Variants in PPARGC1A observed in about 807,000 individuals in gnomAD.
The protein encoded by PPARGC1A is PPARG coactivator 1 alpha.
PPARGC1A carries 25 observed loss-of-function variants against 88.7 expected under a neutral mutation model. The ratio of observed to expected loss-of-function variants is 0.28; its 90% CI spans 0.21 to 0.39. The LOEUF is 0.39. PPARGC1A is among the 10% of genes least tolerant of loss of function. The pLI is 1.00. For missense variants in PPARGC1A, 880 were observed against 968.7 expected (o/e 0.91, Z 1.22); for synonymous variants, 363 against 355.6 (o/e 1.02, Z -0.24).
intron 1 of PPARGC1A, among the ~76,000 whole-genome samples, chr4:23,885,370 T>TA (rs1716696691): frequency 6.6e-6 from 1 of 152,214 alleles, no homozygotes; most frequent in Admixed American, 6.5e-5. Flanking sequence ...AAACTATTGC[T>TA]AAATGGAAAA....
chr4:23,801,680 T>G, intron 12 of PPARGC1A, 50 bp downstream of exon 12: 1 of 1,599,092 alleles, frequency 6.3e-7, no homozygotes, highest in Non-Finnish European at 8.6e-7. Flanking sequence ...TGTTCCCATC[T>G]TGAGCTCTAC....
chr4:23,905,613 G>A (rs946826915), upstream of PPARGC1A, among the ~76,000 whole-genome samples: 8 of 152,208 alleles, frequency 5.3e-5, no homozygotes, highest in South Asian at 4.2e-4. Flanking sequence ...TCCAGCATTC[G>A]GTGAATGTTT....
At chr4:23,937,230 A>AT in the PPARGC1A span, among the ~76,000 whole-genome samples, 2 of 151,878 alleles carry the variant, frequency 1.3e-5, no homozygotes, top group African/African-American at 2.4e-5. Flanking sequence ...CTTTCATGGT[A>AT]GTTTTACAAG....
the PPARGC1A span, among the ~76,000 whole-genome samples, chr4:24,316,248 A>G: frequency 2.6e-5 from 4 of 152,334 alleles, no homozygotes; most frequent in East Asian, 7.7e-4. Flanking sequence ...TCTATCTTAC[A>G]TGGGCAGAGA....
the PPARGC1A span, among the ~76,000 whole-genome samples, chr4:24,100,563 C>T: frequency 7.9e-5 from 12 of 152,188 alleles, no homozygotes; most frequent in East Asian, 7.7e-4. Flanking sequence ...CGCCTCTGGA[C>T]GTTCAGATGA....
the PPARGC1A span, among the ~76,000 whole-genome samples, chr4:23,984,668 T>G: frequency 6.6e-6 from 1 of 152,100 alleles, no homozygotes; most frequent in African/African-American, 2.4e-5. Context: ...ATCTTCATTT[T>G]TCAAAAAAGG....
chr4:23,859,372 A>G (rs1211538637), intron 2 of PPARGC1A, among the ~76,000 whole-genome samples: 1 of 152,214 alleles, frequency 6.6e-6, no homozygotes, highest in Admixed American at 6.5e-5. Context: ...CTGAAAGTGT[A>G]AGGGGAAGGT....
At chr4:24,461,652 AT>A in the PPARGC1A span, among the ~76,000 whole-genome samples, 1 of 151,950 alleles carries the variant, frequency 6.6e-6, no homozygotes, top group East Asian at 1.9e-4. Context: ...CTCTTACTAA[AT>A]GAAAGCTCTC....
At chr4:24,087,636 G>A in the PPARGC1A span, among the ~76,000 whole-genome samples, 2 of 152,226 alleles carry the variant, frequency 1.3e-5, no homozygotes, top group Non-Finnish European at 2.9e-5. Flanking sequence ...AGAAGCCAGT[G>A]ATCAGGCTAA....
At chr4:24,431,088 G>A in the PPARGC1A span, among the ~76,000 whole-genome samples, 1 of 132,272 alleles carries the variant, frequency 7.6e-6, no homozygotes, top group Non-Finnish European at 1.5e-5. Flanking sequence ...TCACACCGCT[G>A]CACTCCAGCC....
the PPARGC1A span, among the ~76,000 whole-genome samples, chr4:24,421,143 GA>G: frequency 4.4e-4 from 67 of 152,012 alleles, no homozygotes; most frequent in Middle Eastern, 3.4e-3. Flanking sequence ...ACTAGATTTA[GA>G]AAAAACAACA....
the PPARGC1A span, among the ~76,000 whole-genome samples, chr4:24,112,300 G>A: frequency 6.6e-6 from 1 of 152,182 alleles, no homozygotes; most frequent in African/African-American, 2.4e-5. Flanking sequence ...GCTTCAGATA[G>A]TTATTGCAGT....
the PPARGC1A span, among the ~76,000 whole-genome samples, chr4:23,994,157 A>T: frequency 6.6e-6 from 1 of 152,122 alleles, no homozygotes; most frequent in East Asian, 1.9e-4. Context: ...CTTTGTACTA[A>T]TATTCTGGAC....
the PPARGC1A span, among the ~76,000 whole-genome samples, chr4:24,205,143 G>C: frequency 6.6e-6 from 1 of 152,120 alleles, no homozygotes; most frequent in African/African-American, 2.4e-5. Context: ...GTTTATAACT[G>C]AGTGTCAGCA....
chr4:23,949,801 T>C, the PPARGC1A span, among the ~76,000 whole-genome samples: 738 of 152,128 alleles, frequency 4.9e-3, 9 homozygotes, highest in African/African-American at 0.017. Flanking sequence ...TATCCACAAG[T>C]GGTGGGGGAA....
chr4:23,829,009 T>C (rs535256427), intron 4 of PPARGC1A, among the ~76,000 whole-genome samples: 1 of 152,322 alleles, frequency 6.6e-6, no homozygotes, highest in African/African-American at 2.4e-5. Flanking sequence ...AAACATTGTT[T>C]AATACAGCCC....
chr4:24,002,097 C>CACAGAGAGAGAGAGAGAGAG, the PPARGC1A span, among the ~76,000 whole-genome samples: 1 of 125,324 alleles, frequency 8.0e-6, no homozygotes, highest in Non-Finnish European at 1.6e-5. Flanking sequence ...CACACACACA[C>CACAGAGAGAGAGAGAGAGAG]AGAGAGAGAG....
chr4:23,935,190 G>T, the PPARGC1A span, among the ~76,000 whole-genome samples: 1 of 152,154 alleles, frequency 6.6e-6, no homozygotes. Flanking sequence ...GGGTGAGCAG[G>T]ATCAAGCACT....
the PPARGC1A span, among the ~76,000 whole-genome samples, chr4:23,964,053 A>G: frequency 2.0e-5 from 3 of 152,194 alleles, no homozygotes; most frequent in Admixed American, 1.3e-4. Flanking sequence ...TGGAGATTCT[A>G]TGAGATTAAT....
Sources: allele counts gnomAD v4.1 joint callset (sites outside exome capture counted in the v4.1 genomes callset), GRCh38; gene constraint gnomAD v4.1.1; transcripts MANE v1.5; gene names NCBI Gene and HGNC (gene_info 2026-07-23, HGNC 2026-07-21).